Variants in RPS6KC1 observed in about 807,000 individuals in gnomAD.
RPS6KC1 encodes ribosomal protein S6 kinase C1, also known as inactive ribosomal protein S6 kinase delta-1.
Under a neutral mutation model 103.8 loss-of-function variants are expected in RPS6KC1, and 54 were observed. The observed-to-expected ratio is 0.52, with a 90% CI of 0.42 to 0.65. The LOEUF is 0.65. RPS6KC1 is among the 30% of genes least tolerant of loss of function. RPS6KC1 has a pLI of 0.00. For missense variants in RPS6KC1, 1,151 were observed against 1,253.8 expected (o/e 0.92, Z 1.24); for synonymous variants, 439 against 438.7 (o/e 1.00, Z -0.01).
At chr1:213,555,918 A>G in the RPS6KC1 span, among the ~76,000 whole-genome samples, 1 of 151,748 alleles carries the variant, frequency 6.6e-6, no homozygotes, top group Non-Finnish European at 1.5e-5. Flanking sequence ...GAGTTTCTTC[A>G]CCTCTGTGGC....
the RPS6KC1 span, among the ~76,000 whole-genome samples, chr1:213,829,465 T>C: frequency 6.6e-6 from 1 of 152,136 alleles, no homozygotes; most frequent in African/African-American, 2.4e-5. Context: ...CTGGGTTTCT[T>C]CTCACTTTAA....
At chr1:213,129,473 C>G (rs1054441923) in intron 5 of RPS6KC1, 54 bp from the exon 6 acceptor site, 1 of 1,494,472 alleles carries the variant, frequency 6.7e-7, no homozygotes, top group Non-Finnish European at 9.0e-7. Context: ...GATTTGTATT[C>G]GTTTGGCTGA....
chr1:213,162,843 A>G (rs979978166), intron 6 of RPS6KC1, among the ~76,000 whole-genome samples: 2 of 152,230 alleles, frequency 1.3e-5, no homozygotes, highest in African/African-American at 4.8e-5. Context: ...GACTTTTACT[A>G]TTCTTTGGTG....
intron 12 of RPS6KC1, among the ~76,000 whole-genome samples, chr1:213,259,982 G>A (rs957357826): frequency 6.6e-6 from 1 of 151,942 alleles, no homozygotes; most frequent in Non-Finnish European, 1.5e-5. Flanking sequence ...CAGGTGATCC[G>A]CCTGCCTCAG....
chr1:213,592,902 A>G, the RPS6KC1 span, among the ~76,000 whole-genome samples: 488 of 152,338 alleles, frequency 3.2e-3, 6 homozygotes, highest in South Asian at 0.017. Context: ...AAAGATCAAC[A>G]AAGTTGTAAT....
chr1:213,412,519 C>T, the RPS6KC1 span, among the ~76,000 whole-genome samples: 15 of 152,342 alleles, frequency 9.8e-5, no homozygotes, highest in South Asian at 3.1e-3. Context: ...GGGCAATTCA[C>T]ACATTTTGTA....
chr1:213,822,136 T>C, the RPS6KC1 span: 2 of 152,228 alleles, frequency 1.3e-5, no homozygotes, highest in African/African-American at 4.8e-5. Context: ...TGAGCCCCTT[T>C]GTGCTCTCCT....
the RPS6KC1 span, among the ~76,000 whole-genome samples, chr1:213,637,002 C>T: frequency 6.6e-6 from 1 of 152,174 alleles, no homozygotes; most frequent in Non-Finnish European, 1.5e-5. Flanking sequence ...AGTCAACAGA[C>T]ACATGAAAGA....
At chr1:213,268,526 CA>C (rs1480691287) in intron 14 of RPS6KC1, among the ~76,000 whole-genome samples, 1 of 147,400 alleles carries the variant, frequency 6.8e-6, no homozygotes, top group South Asian at 2.1e-4. Context: ...ATAGAAAAGA[CA>C]AAAAAATATA....
At chr1:213,602,189 T>TCTTTCTTTCTTTCTTTC in the RPS6KC1 span, among the ~76,000 whole-genome samples, 1 of 103,372 alleles carries the variant, frequency 9.7e-6, no homozygotes, top group African/African-American at 4.0e-5. Context: ...TTTCTTTCTT[T>TCTTTCTTTCTTTCTTTC]TTCCCTCCCT....
the RPS6KC1 span, among the ~76,000 whole-genome samples, chr1:213,500,515 AGTT>A: frequency 2.6e-5 from 4 of 152,328 alleles, no homozygotes; most frequent in African/African-American, 2.4e-5. Flanking sequence ...CAAGTAACAT[AGTT>A]GTTTATTATT....
the RPS6KC1 span, among the ~76,000 whole-genome samples, chr1:213,664,856 C>A: frequency 1.3e-5 from 2 of 152,000 alleles, no homozygotes; most frequent in Non-Finnish European, 2.9e-5. Flanking sequence ...CTCTACGTAG[C>A]AATGTTTTGT....
the RPS6KC1 span, among the ~76,000 whole-genome samples, chr1:213,495,313 C>G: frequency 2.6e-5 from 4 of 151,952 alleles, no homozygotes; most frequent in African/African-American, 9.7e-5. Context: ...AATATGCACC[C>G]CCACCCCGCT....
At chr1:213,436,556 G>T in the RPS6KC1 span, among the ~76,000 whole-genome samples, 2 of 152,132 alleles carry the variant, frequency 1.3e-5, no homozygotes, top group African/African-American at 4.8e-5. Context: ...AACATTCTGG[G>T]ATATTGATTG....
chr1:213,415,698 G>A, the RPS6KC1 span, among the ~76,000 whole-genome samples: 1 of 152,210 alleles, frequency 6.6e-6, no homozygotes, highest in Admixed American at 6.5e-5. Context: ...AATGTGAACA[G>A]TCTGGAAATG....
At chr1:213,217,251 C>G (rs1284734445) in intron 8 of RPS6KC1, among the ~76,000 whole-genome samples, 1 of 151,912 alleles carries the variant, frequency 6.6e-6, no homozygotes, top group East Asian at 1.9e-4. Context: ...CACCTCTACT[C>G]AAATAAACTA....
At chr1:213,362,955 A>G in the RPS6KC1 span, among the ~76,000 whole-genome samples, 7 of 152,176 alleles carry the variant, frequency 4.6e-5, no homozygotes, top group Admixed American at 2.6e-4. Flanking sequence ...AATTTTGGAC[A>G]TGTCAGCCTG....
At chr1:213,757,382 G>A in the RPS6KC1 span, among the ~76,000 whole-genome samples, 48 of 152,342 alleles carry the variant, frequency 3.2e-4, no homozygotes, top group Middle Eastern at 6.8e-3. Flanking sequence ...CGTGATTGCT[G>A]AGATGGAGAA....
chr1:213,483,778 G>T, the RPS6KC1 span, among the ~76,000 whole-genome samples: 3 of 152,230 alleles, frequency 2.0e-5, no homozygotes, highest in African/African-American at 7.2e-5. Flanking sequence ...GAAGGCAGCA[G>T]TGGAGTTATT....
Sources: allele counts gnomAD v4.1 joint callset (sites outside exome capture counted in the v4.1 genomes callset), GRCh38; gene constraint gnomAD v4.1.1; transcripts MANE v1.5; gene names NCBI Gene and HGNC (gene_info 2026-07-23, HGNC 2026-07-21).